CPVL: variants seen among roughly 807,000 people sequenced by gnomAD.
CPVL encodes probable serine carboxypeptidase CPVL.
Under a neutral mutation model 63.7 loss-of-function variants are expected in CPVL, and 51 were observed. The ratio of observed to expected loss-of-function variants is 0.80; its 90% CI spans 0.64 to 1.01. The LOEUF (loss-of-function observed/expected upper bound fraction) is 1.01. CPVL is among the 50% of genes least tolerant of loss of function. The probability of loss-of-function intolerance (pLI) is 0.00; values close to 1 mark genes in which losing one functional copy is unlikely to be tolerated. For synonymous variants in CPVL, 195 were observed against 206.0 expected (o/e 0.95, Z 0.46); for missense variants, 530 against 573.1 (o/e 0.92, Z 0.77).
intron 1 of CPVL, among the ~76,000 whole-genome samples, chr7:29,187,607 A>G (rs766764517): frequency 1.2e-4 from 19 of 152,104 alleles, no homozygotes; most frequent in Non-Finnish European, 2.8e-4. Context: ...TCCCACCTGT[A>G]ATCCCAGCTA....
chr7:29,066,098 G>A lies in CPVL; in HGVS notation c.888C>T (p.Gly296=), dbSNP rs370525550. 6 of 1,597,520 alleles carry A rather than the reference G, an allele frequency of 3.8e-6. No homozygotes were observed. The highest frequency in any genetic ancestry group is 1.7e-4 in the Middle Eastern group (1 of 6,040). ...AFEILDKLLD[G]DLTSDPSYFQ... ...AGTAAGAAGGATCACTTGTTAAGTC[G>A]CCATCTAGTAGTTTATCCAGTATCT... The change falls in exon 10 of 13, where the codon GGC becomes GGT. Residue 296 remains glycine, a synonymous_variant. Coordinates refer to ENST00000265394, the MANE Select transcript of CPVL (RefSeq NM_031311.5).
intron 12 of CPVL, among the ~76,000 whole-genome samples, chr7:29,006,137 A>G (rs1281771091): frequency 1.3e-5 from 2 of 152,282 alleles, no homozygotes; most frequent in East Asian, 1.9e-4. Context: ...AGGAGAACCA[A>G]CTGTGCACAT....
intron 5 of CPVL, among the ~76,000 whole-genome samples, chr7:29,157,038 G>A (rs1207863094): frequency 1.3e-5 from 2 of 152,144 alleles, no homozygotes; most frequent in African/African-American, 2.4e-5. Flanking sequence ...AAGTAATCTC[G>A]TCTGTGGAAA....
intron 1 of CPVL, chr7:29,193,677 G>T (rs1562819526): frequency 6.6e-6 from 1 of 152,208 alleles, no homozygotes; most frequent in Non-Finnish European, 1.5e-5. Context: ...AATACAGGGG[G>T]AAGGGACACA....
At chr7:29,115,560 C>T (rs1362318734) in intron 2 of CPVL, among the ~76,000 whole-genome samples, 2 of 151,986 alleles carry the variant, frequency 1.3e-5, no homozygotes, top group African/African-American at 4.8e-5. Context: ...CAGGGCTGGG[C>T]AGCCTTTAAA....
intron 1 of CPVL, among the ~76,000 whole-genome samples, chr7:29,131,977 A>G (rs755356230): frequency 2.6e-4 from 40 of 152,232 alleles, no homozygotes; most frequent in Admixed American, 6.5e-4. Context: ...CTTAGCTCAT[A>G]CAATGAATAA....
At chr7:29,189,459 AACTC>A (rs1484556331) in intron 1 of CPVL, among the ~76,000 whole-genome samples, 20 of 152,138 alleles carry the variant, frequency 1.3e-4, no homozygotes, top group Non-Finnish European at 2.6e-4. Context: ...ACGAAAAACA[AACTC>A]ACTCCCTGCT....
At chr7:29,175,704 G>A (rs1797225886) in intron 5 of CPVL, among the ~76,000 whole-genome samples, 1 of 152,012 alleles carries the variant, frequency 6.6e-6, no homozygotes, top group Non-Finnish European at 1.5e-5. Context: ...GATAGCCAAC[G>A]GGAAGGAGAG....
intron 5 of CPVL, among the ~76,000 whole-genome samples, chr7:29,168,081 G>T (rs555659784): frequency 3.3e-5 from 5 of 152,270 alleles, no homozygotes; most frequent in African/African-American, 1.2e-4. Context: ...GGTGTTGGTG[G>T]CAACAATATT....
chr7:29,037,265 C>T (rs1788618643), intron 11 of CPVL, among the ~76,000 whole-genome samples: 1 of 152,020 alleles, frequency 6.6e-6, no homozygotes, highest in African/African-American at 2.4e-5. Flanking sequence ...AGAAAAGTGG[C>T]CAGGCGTGGT....
chr7:29,058,660 G>A (rs1372729416), intron 11 of CPVL, among the ~76,000 whole-genome samples: 1 of 152,018 alleles, frequency 6.6e-6, no homozygotes, highest in Admixed American at 6.5e-5. Context: ...ACTTTTGCAA[G>A]GTGCAGAATT....
intron 12 of CPVL, chr7:29,011,205 T>TA (rs1166570140): frequency 6.6e-6 from 1 of 152,224 alleles, no homozygotes; most frequent in Non-Finnish European, 1.5e-5. Context: ...CATGGGTTCT[T>TA]AATCTGTTTC....
intron 5 of CPVL, among the ~76,000 whole-genome samples, chr7:29,177,031 GA>G (rs201329371): frequency 0.01 from 1,585 of 151,998 alleles, 23 homozygotes; most frequent in African/African-American, 0.036. Flanking sequence ...AAAGAGAGGG[GA>G]AAAAATATAG....
chr7:29,041,291 G>A (rs943528043), intron 11 of CPVL, among the ~76,000 whole-genome samples: 1 of 151,990 alleles, frequency 6.6e-6, no homozygotes, highest in Non-Finnish European at 1.5e-5. Flanking sequence ...TTCCCAGGCT[G>A]GTCTTGAACA....
intron 1 of CPVL, chr7:29,145,770 G>A (rs1214814881): frequency 6.6e-6 from 1 of 152,064 alleles, no homozygotes. Context: ...TAATTTGCCC[G>A]AGGTCACTCA....
intron 4 of CPVL, 53 bp downstream of exon 4, chr7:29,096,050 T>C: frequency 7.3e-7 from 1 of 1,368,592 alleles, no homozygotes; most frequent in East Asian, 2.3e-5. Context: ...TTGGAGCAGG[T>C]ATGAGGCTCA....
At chr7:29,021,443 T>C (rs923854945) in intron 12 of CPVL, among the ~76,000 whole-genome samples, 3 of 151,710 alleles carry the variant, frequency 2.0e-5, no homozygotes, top group Non-Finnish European at 4.4e-5. Context: ...AAATAGAACA[T>C]CTAAAGAAAA....
At chr7:29,086,931 C>G (rs1282679822) in intron 6 of CPVL, among the ~76,000 whole-genome samples, 1 of 152,142 alleles carries the variant, frequency 6.6e-6, no homozygotes, top group Non-Finnish European at 1.5e-5. Flanking sequence ...TAAGGGAAGT[C>G]TTAGTTGCTT....
At position 29,178,329 on chromosome 7, in the gene CPVL, C is replaced by A. The variant is rs370644696; in HGVS notation, c.-11+2961G>T. 4.3e-4 allele frequency among the ~76,000 whole-genome samples: 66 copies of A among 152,290 alleles called. 1 individual carries two copies. In the South Asian group the frequency reaches 9.3e-3, roughly 22 times the overall value. ...AATAAACAGAAAGTCTCCACTATGA[C>A]CCACGTGGCTGCTAGGATCTGACAT... On this transcript the variant is annotated intron_variant, in intron 5 of 16. Transcript: ENST00000409850.
Sources: gnomAD v4.1 joint callset for allele counts (sites outside exome capture counted in the v4.1 genomes callset) on GRCh38, gnomAD v4.1.1 for gene constraint, MANE v1.5 for transcripts, NCBI Gene and HGNC (gene_info 2026-07-23, HGNC 2026-07-21) for gene names.